The following FARP1 variants were observed in gnomAD, a reference collection of about 807,000 sequenced individuals.
FARP1 encodes FERM, ARHGEF and pleckstrin domain-containing protein 1.
Under a neutral mutation model 128.8 loss-of-function variants are expected in FARP1, and 52 were observed. That is an observed-to-expected ratio of 0.40 (90% CI 0.32 to 0.51). FARP1 has a LOEUF of 0.51. FARP1 is among the 20% of genes least tolerant of loss of function. The probability of loss-of-function intolerance (pLI) is 0.45; values close to 1 mark genes in which losing one functional copy is unlikely to be tolerated. For synonymous variants in FARP1, 580 were observed against 551.8 expected, an observed-to-expected ratio of 1.05 and a Z score of -0.72; for missense variants, 1,333 against 1,367.9, an observed-to-expected ratio of 0.97 and a Z score of 0.40.
chr13:98,343,919 G>T, intron 3 of FARP1, 53 bp downstream of exon 3: 1 of 1,216,248 alleles, frequency 8.2e-7, no homozygotes, highest in Non-Finnish European at 1.2e-6. Context: ...ATCTTGGTGG[G>T]GGGCTGGGCA....
intron 1 of FARP1, chr13:98,177,119 C>T (rs778725590): frequency 1.1e-5 from 17 of 1,602,456 alleles, no homozygotes; most frequent in African/African-American, 1.3e-5. Context: ...TGCTCGGGGT[C>T]GCAGGCCGGG....
At position 98,153,436 on chromosome 13, in the gene FARP1, T is replaced by A. The variant is rs139212998; in HGVS notation, c.-24+9944T>A. Among the ~76,000 whole-genome samples the A allele has an allele frequency of 6.8e-5, 9 of 132,934 alleles. No individual in the cohort carries two copies. The South Asian group carries it at 1.4e-3, about 21-fold the overall frequency. 87.2% of individuals were successfully genotyped at this position (132,934 alleles called of 152,430 possible). A position where few individuals can be genotyped will look rare whatever the true frequency, so the allele number is the denominator to read the frequency against. ...TGTATAATATGTAACACATTATATATAAATATGTATAATATATAATACATT... is the reference window on the plus strand; with the variant it reads ...TGTATAATATGTAACACATTATATAAAAATATGTATAATATATAATACATT... On this transcript the variant is annotated intron_variant, in intron 1 of 26. Transcript: ENST00000319562.
At chr13:98,444,213 C>T (rs1478708725) in intron 24 of FARP1, among the ~76,000 whole-genome samples, 2 of 152,172 alleles carry the variant, frequency 1.3e-5, no homozygotes, top group African/African-American at 4.8e-5. Context: ...AAGGACACGG[C>T]TCGTGCTGGG....
At chr13:98,346,931 G>A (rs1443190101) in intron 3 of FARP1, among the ~76,000 whole-genome samples, 1 of 152,126 alleles carries the variant, frequency 6.6e-6, no homozygotes, top group Non-Finnish European at 1.5e-5. Flanking sequence ...ATGTGACATC[G>A]ATAACTTCAA....
intron 3 of FARP1, among the ~76,000 whole-genome samples, chr13:98,358,188 C>T (rs1468106021): frequency 6.6e-6 from 1 of 151,470 alleles, no homozygotes; most frequent in Non-Finnish European, 1.5e-5. Flanking sequence ...GTCCTGTGAA[C>T]TCGCATCCCT....
chr13:98,390,087 T>C lies in FARP1; in HGVS notation c.986T>C (p.Val329Ala), dbSNP rs199844182. The C allele has an allele frequency of 7.2e-5, 117 of 1,614,068 alleles. 1 individual carries two copies. The highest frequency in any genetic ancestry group is 2.7e-5 in the Non-Finnish European group (32 of 1,180,052). The change falls in exon 10 of 27, where the codon GTC (valine) becomes GCC (alanine). Residue 329 changes from valine to alanine, a missense_variant. Transcript: ENST00000319562. ...GAGCCCAAACCAAAGCCCAAGCCCGTCCTCTTTAGCCGGGGGTCATCATTT... is the reference window on the plus strand; with the variant it reads ...GAGCCCAAACCAAAGCCCAAGCCCGCCCTCTTTAGCCGGGGGTCATCATTT... ...FEEPKPKPKP[V>A]LFSRGSSFRF...
chr13:98,332,156 G>T (rs1476445131), intron 2 of FARP1, among the ~76,000 whole-genome samples: 1 of 151,934 alleles, frequency 6.6e-6, no homozygotes, highest in African/African-American at 2.4e-5. Context: ...TTGTTGCTCA[G>T]CCATCCCCAT....
chr13:98,335,284 A>C (rs377257909), intron 2 of FARP1, among the ~76,000 whole-genome samples: 5 of 152,192 alleles, frequency 3.3e-5, no homozygotes, highest in Non-Finnish European at 7.3e-5. Context: ...GGCTTAATGG[A>C]CCCACAGGTC....
intron 18 of FARP1, chr13:98,435,144 A>C (rs1346985792): frequency 2.5e-5 from 4 of 157,632 alleles, no homozygotes; most frequent in Non-Finnish European, 4.2e-5. Context: ...TATCAATTAC[A>C]CCTCCTCCCA....
intron 10 of FARP1, 60 bp downstream of exon 10, chr13:98,390,180 C>T: frequency 4.5e-6 from 7 of 1,558,004 alleles, no homozygotes; most frequent in Non-Finnish European, 6.1e-6. Context: ...CCGCCTCTCA[C>T]AGCCGCTGTG....
intron 1 of FARP1, among the ~76,000 whole-genome samples, chr13:98,201,010 C>A (rs1879907313): frequency 6.6e-6 from 1 of 152,068 alleles, no homozygotes; most frequent in African/African-American, 2.4e-5. Context: ...TTGGGATAGC[C>A]ATTGTCTTTT....
rs115479413 is a variant in FARP1, at chr13:98,306,948, T to C, written c.172-36814T>C. On this transcript the variant is annotated intron_variant, in intron 2 of 26. Transcript: ENST00000319562. ...TTGGGCTTGGGCCATGTCATTCTTATTCTTCATGACCACCCTCCCAGAAAC... is the reference window on the plus strand; with the variant it reads ...TTGGGCTTGGGCCATGTCATTCTTACTCTTCATGACCACCCTCCCAGAAAC... 7.6e-3 allele frequency among the ~76,000 whole-genome samples: 1,158 copies of C among 152,366 alleles called. 17 individuals carry two copies. The highest frequency in any genetic ancestry group is 0.026 in the African/African-American group (1,075 of 41,586).
intron 2 of FARP1, among the ~76,000 whole-genome samples, chr13:98,256,262 TAATG>T (rs1232380588): frequency 6.6e-6 from 1 of 152,216 alleles, no homozygotes; most frequent in African/African-American, 2.4e-5. Flanking sequence ...GTATTTTAGG[TAATG>T]AATCAGTATT....
At chr13:98,364,048 G>A (rs1355722509) in intron 3 of FARP1, among the ~76,000 whole-genome samples, 1 of 152,126 alleles carries the variant, frequency 6.6e-6, no homozygotes, top group African/African-American at 2.4e-5. Context: ...CCTGTCTTTC[G>A]ATTTTTAATG....
intron 2 of FARP1, among the ~76,000 whole-genome samples, chr13:98,337,698 T>G (rs1297847792): frequency 6.6e-6 from 1 of 152,106 alleles, no homozygotes; most frequent in Non-Finnish European, 1.5e-5. Context: ...CTTTTCCCCA[T>G]TCAAACTTGA....
chr13:98,193,951 A>C (rs1351394612), intron 1 of FARP1, among the ~76,000 whole-genome samples: 1 of 152,136 alleles, frequency 6.6e-6, no homozygotes, highest in Non-Finnish European at 1.5e-5. Context: ...AACTACACAA[A>C]AATTAATAGA....
Position 98,449,206 on chromosome 13 carries a change from G to A in FARP1, c.*889G>A, listed in dbSNP as rs1893060532. 1 of 152,206 alleles carries A rather than the reference G, an allele frequency of 6.6e-6. No individual in the cohort carries two copies. Among genetic ancestry groups the A allele is most frequent in the Non-Finnish European group, 1.5e-5 (1 of 68,058 alleles). The allele number at this position is 152,206 out of a possible 1,614,324, so 9.4% of individuals were successfully genotyped here. A position where few individuals can be genotyped will look rare whatever the true frequency, so the allele number is the denominator to read the frequency against. On this transcript the variant is annotated 3_prime_UTR_variant, in exon 27 of 27. Coordinates refer to ENST00000319562, the MANE Select transcript of FARP1 (RefSeq NM_005766.4). ...GTTTAGTGAGCCTGCTGGCTGCAGA[G>A]CACTATGAAATCATGGTACGTAGTC...
At chr13:98,268,053 C>G (rs9582207) in intron 2 of FARP1, among the ~76,000 whole-genome samples, 4 of 152,056 alleles carry the variant, frequency 2.6e-5, no homozygotes. Flanking sequence ...ACCTCCAGAA[C>G]TTTTTCACGC....
intron 2 of FARP1, among the ~76,000 whole-genome samples, chr13:98,310,906 A>G (rs573840865): frequency 6.6e-5 from 10 of 152,278 alleles, no homozygotes; most frequent in Non-Finnish European, 1.3e-4. Context: ...CCCCTTCCCC[A>G]TTACCTAAGA....
Sources: gnomAD v4.1 joint callset for allele counts (sites outside exome capture counted in the v4.1 genomes callset) on GRCh38, gnomAD v4.1.1 for gene constraint, MANE v1.5 for transcripts, NCBI Gene and HGNC (gene_info 2026-07-23, HGNC 2026-07-21) for gene names.